Variants in CRLF2 observed in about 807,000 individuals in gnomAD.
The protein encoded by CRLF2 is cytokine receptor like factor 2.
A neutral mutation model predicts 38.7 loss-of-function variants in CRLF2; 41 were observed. That is an observed-to-expected ratio of 1.06 (90% CI 0.83 to 1.37). The LOEUF is 1.37. Ranked by LOEUF, CRLF2 falls within the 40% of genes most tolerant of loss-of-function variation. The probability of loss-of-function intolerance (pLI) is 0.00; values close to 1 mark genes in which losing one functional copy is unlikely to be tolerated. For synonymous variants in CRLF2, 140 were observed against 128.8 expected (o/e 1.09, Z -0.59); for missense variants, 377 against 322.2 (o/e 1.17, Z -1.30).
chrX:1,207,952 C>T (rs1261118934), intron 2 of CRLF2, among the ~76,000 whole-genome samples: 3 of 152,140 alleles, frequency 2.0e-5, no homozygotes, highest in Non-Finnish European at 2.9e-5. Flanking sequence ...TTTAAAATTT[C>T]CCTGTTCTGT....
At chrX:1,197,998 C>CA (rs1232528833) in intron 5 of CRLF2, among the ~76,000 whole-genome samples, 5 of 151,654 alleles carry the variant, frequency 3.3e-5, no homozygotes, top group Non-Finnish European at 5.9e-5. Context: ...GAATGTTTCT[C>CA]AAAAAAACAA....
intron 7 of CRLF2, among the ~76,000 whole-genome samples, chrX:1,191,371 T>C (rs2086378172): frequency 1.6e-5 from 1 of 61,568 alleles, no homozygotes; most frequent in African/African-American, 4.9e-5. Flanking sequence ...CCTTTCTTTC[T>C]CTTTCTTTCT....
At chrX:1,211,168 A>G (rs866812385) in intron 1 of CRLF2, among the ~76,000 whole-genome samples, 11 of 125,852 alleles carry the variant, frequency 8.7e-5, no homozygotes, top group African/African-American at 2.5e-4. Flanking sequence ...TACATAGGTG[A>G]ATGGATGGAT....
chrX:1,208,929 G>T lies in CRLF2; in HGVS notation c.80-21C>A, dbSNP rs756659764. ...TTCTGCTAGACACAGAGAGACGCATGAAGTTCACGGTGAGGCAACTCTATT... is the reference window on the plus strand; with the variant it reads ...TTCTGCTAGACACAGAGAGACGCATTAAGTTCACGGTGAGGCAACTCTATT... On this transcript the variant is annotated intron_variant, in intron 1 of 7. Coordinates refer to ENST00000400841, the MANE Select transcript of CRLF2 (RefSeq NM_022148.4). 2.5e-5 allele frequency: 33 copies of T among 1,306,378 alleles called. No individual in the cohort carries two copies. The South Asian group carries it at 3.9e-4, about 15-fold the overall frequency. 80.9% of individuals were successfully genotyped at this position (1,306,378 alleles called of 1,614,324 possible).
intron 3 of CRLF2, among the ~76,000 whole-genome samples, chrX:1,204,580 G>T (rs1166696230): frequency 6.7e-6 from 1 of 150,352 alleles, no homozygotes; most frequent in Non-Finnish European, 1.5e-5. Flanking sequence ...CAGTGCAGTG[G>T]CACCGTCTTG....
chrX:1,207,358 C>A (rs745574930), intron 2 of CRLF2, among the ~76,000 whole-genome samples: 1 of 151,362 alleles, frequency 6.6e-6, no homozygotes, highest in African/African-American at 2.4e-5. Flanking sequence ...CGGATTCAAG[C>A]GATTCTCCTG....
rs1489761119 is a variant in CRLF2, at chrX:1,198,577, T to C, written c.631A>G (p.Arg211Gly). Reference protein sequence around the residue: ...SDWSEVTCWQRGEIRDACAET... With the variant: ...SDWSEVTCWQGGEIRDACAET... ...CAAGCATTACCCCGAATCTCGCCTC[T>C]CTGCCAGCATGTCACCTCTGACCAG... The change falls in exon 5 of 8, where the codon AGA becomes GGA. Residue 211 changes from arginine to glycine, a missense_variant. By Grantham distance (125) the Arg-to-Gly change is moderately radical. Coordinates refer to ENST00000400841, the MANE Select transcript of CRLF2 (RefSeq NM_022148.4). The C allele has an allele frequency of 2.5e-6, 4 of 1,613,576 alleles. No homozygotes were observed. Among genetic ancestry groups the C allele is most frequent in the Non-Finnish European group, 3.4e-6 (4 of 1,179,702 alleles).
rs1471263752 is a variant in CRLF2, at chrX:1,201,662, C to T, written c.483+740G>A. Among the ~76,000 whole-genome samples, 32 of 137,304 alleles carry T rather than the reference C, an allele frequency of 2.3e-4. No homozygotes were observed. In the East Asian group the frequency reaches 2.4e-3, roughly 10 times the overall value. 90.1% of individuals were successfully genotyped at this position (137,304 alleles called of 152,430 possible). On this transcript the variant is annotated intron_variant, in intron 4 of 7. Coordinates refer to ENST00000400841, the MANE Select transcript of CRLF2 (RefSeq NM_022148.4). Reference sequence around the variant, plus strand: ...ATAGATGATACATTAGATAGAGAGACAGACAGACAGATGATACAGAGTAGA... The same window carrying T: ...ATAGATGATACATTAGATAGAGAGATAGACAGACAGATGATACAGAGTAGA...
In CRLF2 at chrX:1,198,652, T is replaced by C; in HGVS notation, c.556A>G (p.Arg186Gly). ...TATACATCCTCCATAGCCTTCACCC[T>C]GACCCAGAAAGAGTAACACTTCTCG... ...DAEKCYSFWV[R>G]VKAMEDVYGP... Residue 186 changes from arginine to glycine, a missense_variant, in exon 5 of 8, where the codon AGG becomes GGG. Coordinates refer to ENST00000400841, the MANE Select transcript of CRLF2 (RefSeq NM_022148.4). 1 of 1,611,936 alleles carries C rather than the reference T, an allele frequency of 6.2e-7. No homozygotes were observed. The highest frequency in any genetic ancestry group is 8.5e-7 in the Non-Finnish European group (1 of 1,178,924).
At chrX:1,202,675 C>T in intron 3 of CRLF2, 140 bp from the exon 4 acceptor site, 1 of 962,086 alleles carries the variant, frequency 1.0e-6, no homozygotes, top group South Asian at 1.5e-5. Flanking sequence ...GTCCTCATTA[C>T]TTTTATAGGA....
chrX:1,203,085 G>A (rs1423850522), intron 3 of CRLF2, among the ~76,000 whole-genome samples: 13 of 110,784 alleles, frequency 1.2e-4, no homozygotes, highest in African/African-American at 3.5e-4. Flanking sequence ...GTGACAGAGC[G>A]AGACTATCTC....
intron 1 of CRLF2, 140 bp from the exon 2 acceptor site, chrX:1,209,048 A>C: frequency 1.8e-6 from 1 of 559,770 alleles, no homozygotes. Context: ...GCTCACTGCA[A>C]CCTCCGCCTC....
At chrX:1,192,073 CG>C (rs1229827793) in intron 7 of CRLF2, among the ~76,000 whole-genome samples, 1 of 148,408 alleles carries the variant, frequency 6.7e-6, no homozygotes, top group Non-Finnish European at 1.5e-5. Context: ...GGTGTGGTGG[CG>C]GGCGCCTGTA....
intron 7 of CRLF2, among the ~76,000 whole-genome samples, chrX:1,192,221 C>CAA (rs1340411091): frequency 8.1e-6 from 1 of 123,554 alleles, no homozygotes. Context: ...AAAAAAAAAA[C>CAA]AAAAAAAACC....
intron 5 of CRLF2, among the ~76,000 whole-genome samples, chrX:1,197,301 A>G (rs1267320766): frequency 2.1e-5 from 3 of 141,536 alleles, no homozygotes; most frequent in African/African-American, 7.8e-5. Context: ...TTTTTTTTTT[A>G]ATGAATGTTA....
chrX:1,194,769 C>T (rs1404739025), intron 6 of CRLF2, among the ~76,000 whole-genome samples: 5 of 152,032 alleles, frequency 3.3e-5, no homozygotes, highest in African/African-American at 7.2e-5. Flanking sequence ...TGGTGGCTCA[C>T]GCCTGTCATC....
In CRLF2 at chrX:1,212,642, A is replaced by T. The variant is rs1346576206; in HGVS notation, c.-8T>A. The T allele has an allele frequency of 1.2e-6, 2 of 1,601,572 alleles. No individual in the cohort carries two copies. Among genetic ancestry groups the T allele is most frequent in the Admixed American group, 3.3e-5 (2 of 59,856 alleles). ...CAGAACCAGCCGCCCCATGCCTGAA[A>T]CAGGAGTGGAGAGTGAGGTCCTCAG... On this transcript the variant is annotated 5_prime_UTR_variant, in exon 1 of 8. Transcript: ENST00000400841.
In CRLF2 at chrX:1,206,239, C is replaced by T. The variant is rs2086689201; in HGVS notation, c.349+194G>A. On this transcript the variant is annotated intron_variant, in intron 3 of 7. Coordinates refer to ENST00000400841, the MANE Select transcript of CRLF2 (RefSeq NM_022148.4). ...GTTACGGGAATCATTGATCCCGCGA[C>T]TGGCTGGAGCTTGGTTTTTCGTTAC... Among the ~76,000 whole-genome samples, 3 of 151,910 alleles carry T rather than the reference C, an allele frequency of 2.0e-5. No homozygotes were observed. In the South Asian group the frequency reaches 6.2e-4, roughly 32 times the overall value.
intron 3 of CRLF2, among the ~76,000 whole-genome samples, chrX:1,205,411 T>C (rs2086674503): frequency 6.6e-6 from 1 of 152,156 alleles, no homozygotes. Context: ...TCCCGCGACT[T>C]GCGAGAGCTT....
Sources: gnomAD v4.1 joint callset for allele counts (sites outside exome capture counted in the v4.1 genomes callset) on GRCh38, gnomAD v4.1.1 for gene constraint, MANE v1.5 for transcripts, NCBI Gene and HGNC (gene_info 2026-07-23, HGNC 2026-07-21) for gene names.